APP: variants seen among roughly 807,000 people sequenced by gnomAD.
APP encodes amyloid-beta precursor protein.
In APP, 31 loss-of-function variants were observed where a neutral mutation model predicts 101.4. The observed-to-expected ratio is 0.31, with a 90% CI of 0.23 to 0.41. APP has a LOEUF of 0.41. Ranked by LOEUF, APP falls within the 10% of genes least tolerant of loss-of-function variation. APP has a pLI of 1.00. For synonymous variants in APP, 366 were observed against 364.4 expected (o/e 1.00, Z -0.05); for missense variants, 839 against 1,003.7 (o/e 0.84, Z 2.22).
intron 5 of APP, among the ~76,000 whole-genome samples, chr21:26,043,977 A>G (rs1173600025): frequency 6.6e-6 from 1 of 152,204 alleles, no homozygotes; most frequent in Non-Finnish European, 1.5e-5. Context: ...CAAAATATTT[A>G]TCATCCGAAG....
rs2061787807 is a variant in APP, at chr21:26,089,952, G to A, written c.346C>T (p.Arg116Cys). 6.2e-7 allele frequency: 1 copy of A among 1,614,124 alleles called. No individual in the cohort carries two copies. The highest frequency in any genetic ancestry group is 8.5e-7 in the Non-Finnish European group (1 of 1,180,012). The change falls in exon 3 of 18, where the codon CGC becomes TGC. Residue 116 changes from arginine to cysteine, a missense_variant. Arg to Cys is a radical substitution (Grantham distance 180). Coordinates refer to ENST00000346798, the MANE Select transcript of APP (RefSeq NM_000484.4). ...KTHPHFVIPY[R>C]CLVGEFVSDA... ...CGGCCGGCCGGCTCACCTAAGCAGC[G>A]GTAGGGAATCACAAAGTGGGGATGG... is the stretch of plus-strand genomic sequence containing the variant.
In APP at chr21:25,890,410, C is replaced by A. The variant is rs373853514; in HGVS notation, c.2211+1312G>T. ...ATTTCCTTGGGGATAGTGGAATCTT[C>A]AACTCCCTAGAAACACCTGGACTTT... On this transcript the variant is annotated intron_variant, in intron 17 of 17. Coordinates refer to ENST00000346798, the MANE Select transcript of APP (RefSeq NM_000484.4). Among the ~76,000 whole-genome samples, 102 of 152,286 alleles carry A rather than the reference C, an allele frequency of 6.7e-4. 1 individual carries two copies. The highest frequency in any genetic ancestry group is 2.2e-3 in the African/African-American group (93 of 41,558).
chr21:25,901,505 T>A (rs964514640), intron 15 of APP, among the ~76,000 whole-genome samples: 1 of 152,196 alleles, frequency 6.6e-6, no homozygotes, highest in Non-Finnish European at 1.5e-5. Context: ...TAATAGTTCA[T>A]GTTTGTTTAG....
chr21:26,170,797 AGAGCCAGGC>A (rs1416484947), upstream of APP: 1 of 631,998 alleles, frequency 1.6e-6, no homozygotes, highest in Non-Finnish European at 2.5e-6. Flanking sequence ...GGCGGGGCTC[AGAGCCAGGC>A]GAGTCAGCTG....
At chr21:26,067,774 G>C (rs1319732750) in intron 3 of APP, among the ~76,000 whole-genome samples, 2 of 152,096 alleles carry the variant, frequency 1.3e-5, no homozygotes, top group Non-Finnish European at 2.9e-5. Context: ...CTTTAGCTTA[G>C]TTCAGTCCTC....
intron 16 of APP, among the ~76,000 whole-genome samples, chr21:25,896,374 T>G (rs548798395): frequency 6.6e-6 from 1 of 152,248 alleles, no homozygotes; most frequent in South Asian, 2.1e-4. Flanking sequence ...TTATCAACTT[T>G]ATGAATATTG....
In APP at chr21:25,982,352, T is replaced by C. The variant is rs2042464346; in HGVS notation, c.1216A>G (p.Met406Val). 1 of 1,613,678 alleles carries C rather than the reference T, an allele frequency of 6.2e-7. No individual in the cohort carries two copies. The highest frequency in any genetic ancestry group is 1.3e-5 in the African/African-American group (1 of 74,856). Residue 406 changes from methionine (M) to valine (V), a missense_variant, in exon 9 of 18, where the codon ATG (methionine) becomes GTG (valine). Transcript: ENST00000346798. ...GGAAGAGCCAGACTTACCTGGGACATTCTCTCTCGGTGCTTGGCCTCAAGC... is the reference window on the plus strand; with the variant it reads ...GGAAGAGCCAGACTTACCTGGGACACTCTCTCTCGGTGCTTGGCCTCAAGC... ...ERLEAKHRERMSQVMREWEEA... is the reference protein window; with the variant it reads ...ERLEAKHRERVSQVMREWEEA...
intron 5 of APP, among the ~76,000 whole-genome samples, chr21:26,040,965 G>A (rs1341463820): frequency 1.3e-5 from 2 of 152,154 alleles, no homozygotes; most frequent in African/African-American, 4.8e-5. Context: ...TAAACTAAAA[G>A]TGTTACTTTG....
intron 1 of APP, among the ~76,000 whole-genome samples, chr21:26,161,871 CTT>C (rs897644792): frequency 1.3e-5 from 2 of 151,954 alleles, no homozygotes; most frequent in Non-Finnish European, 2.9e-5. Flanking sequence ...ACTTCAAAAA[CTT>C]TGCATCGGTT....
chr21:26,128,779 A>C (rs1358174642), intron 1 of APP, among the ~76,000 whole-genome samples: 1 of 152,220 alleles, frequency 6.6e-6, no homozygotes, highest in Non-Finnish European at 1.5e-5. Context: ...AAGGTTTCCC[A>C]AAATGTATTT....
chr21:26,019,299 C>A (rs2044231749), intron 6 of APP, among the ~76,000 whole-genome samples: 1 of 152,186 alleles, frequency 6.6e-6, no homozygotes, highest in Non-Finnish European at 1.5e-5. Context: ...TTAAATTGGA[C>A]CAATCCTGTC....
intron 17 of APP, among the ~76,000 whole-genome samples, chr21:25,885,246 GTAAGGGTAGCCT>G (rs2037247073): frequency 6.6e-6 from 1 of 152,216 alleles, no homozygotes; most frequent in Non-Finnish European, 1.5e-5. Context: ...GGAGCACCAA[GTAAGGGTAGCCT>G]TCCTCTCCAG....
intron 15 of APP, among the ~76,000 whole-genome samples, chr21:25,900,635 T>G (rs960560245): frequency 6.6e-5 from 10 of 152,046 alleles, no homozygotes; most frequent in African/African-American, 2.4e-4. Context: ...TTAAGAAAAC[T>G]TTCTTGAACA....
At chr21:26,085,518 T>G (rs562056052) in intron 3 of APP, among the ~76,000 whole-genome samples, 1 of 152,306 alleles carries the variant, frequency 6.6e-6, no homozygotes, top group Non-Finnish European at 1.5e-5. Flanking sequence ...CACACTGGAT[T>G]ACATACGGGG....
At chr21:25,894,493 A>G (rs1601308298) in intron 16 of APP, among the ~76,000 whole-genome samples, 1 of 152,180 alleles carries the variant, frequency 6.6e-6, no homozygotes, top group Non-Finnish European at 1.5e-5. Context: ...AGTTTGGAAG[A>G]CAATGATTCC....
At chr21:26,050,462 T>C (rs2045790404) in intron 5 of APP, among the ~76,000 whole-genome samples, 1 of 152,134 alleles carries the variant, frequency 6.6e-6, no homozygotes, top group African/African-American at 2.4e-5. Context: ...AAAATAGGTT[T>C]CTTTACAATC....
chr21:26,010,948 C>T (rs1360718673), intron 6 of APP, among the ~76,000 whole-genome samples: 1 of 151,742 alleles, frequency 6.6e-6, no homozygotes, highest in African/African-American at 2.4e-5. Flanking sequence ...ATCGCTTGAA[C>T]CATGGAGGCA....
At chr21:25,905,127 T>C in intron 14 of APP, 50 bp from the exon 15 acceptor site, 1 of 1,492,188 alleles carries the variant, frequency 6.7e-7, no homozygotes, top group South Asian at 1.1e-5. Context: ...CAAATCAAGA[T>C]GGTAAGTCGT....
intron 1 of APP, among the ~76,000 whole-genome samples, chr21:26,135,581 A>G (rs1039522836): frequency 2.0e-5 from 3 of 152,174 alleles, no homozygotes; most frequent in African/African-American, 7.2e-5. Flanking sequence ...TTATATACAG[A>G]AGGCAGCACA....
Sources: gnomAD v4.1 joint callset for allele counts (sites outside exome capture counted in the v4.1 genomes callset) on GRCh38, gnomAD v4.1.1 for gene constraint, MANE v1.5 for transcripts, NCBI Gene and HGNC (gene_info 2026-07-23, HGNC 2026-07-21) for gene names.